The following LRP1B variants were observed in gnomAD, a reference collection of about 807,000 sequenced individuals.
The protein encoded by LRP1B is low-density lipoprotein receptor-related protein 1B.
Under a neutral mutation model 556.6 loss-of-function variants are expected in LRP1B, and 217 were observed. The observed-to-expected ratio is 0.39, with a 90% CI of 0.35 to 0.44. LRP1B has a LOEUF of 0.44. Among genes scored for constraint, LRP1B ranks in the 20% least tolerant of loss-of-function variants. The probability of loss-of-function intolerance (pLI) is 1.00; values close to 1 mark genes in which losing one functional copy is unlikely to be tolerated. For missense variants in LRP1B, 5,053 were observed against 5,620.8 expected (o/e 0.90, Z 3.23); for synonymous variants, 2,047 against 1,865.8 (o/e 1.10, Z -2.50).
chr2:140,427,374 G>A (rs559117474), intron 66 of LRP1B, among the ~76,000 whole-genome samples: 1 of 151,852 alleles, frequency 6.6e-6, no homozygotes, highest in African/African-American at 2.4e-5. Context: ...CTTTAAACTT[G>A]CCTCCTTCAC....
chr2:141,387,281 G>C (rs1339954322), intron 3 of LRP1B, among the ~76,000 whole-genome samples: 1 of 151,740 alleles, frequency 6.6e-6, no homozygotes, highest in African/African-American at 2.4e-5. Context: ...TATGAAAAAA[G>C]TGCACACTAA....
chr2:140,273,466 A>T (rs938249729), intron 85 of LRP1B, among the ~76,000 whole-genome samples: 1 of 152,040 alleles, frequency 6.6e-6, no homozygotes, highest in Admixed American at 6.6e-5. Context: ...GTCATTCATA[A>T]TGATAATACA....
intron 3 of LRP1B, among the ~76,000 whole-genome samples, chr2:141,261,489 T>C (rs1020444125): frequency 6.6e-6 from 1 of 152,166 alleles, no homozygotes; most frequent in African/African-American, 2.4e-5. Context: ...TACCCCAAAA[T>C]ACCCCCTTTG....
intron 2 of LRP1B, among the ~76,000 whole-genome samples, chr2:141,494,153 C>T (rs16846272): frequency 0.061 from 9,278 of 152,216 alleles, 352 homozygotes; most frequent in South Asian, 0.18. Flanking sequence ...CTGGTTAGCT[C>T]AGCAGGTTGA....
In LRP1B at chr2:141,049,062, G is replaced by A. The variant is rs748372876; in HGVS notation, c.1713C>T (p.Tyr571=). The change falls in exon 11 of 91, where the codon TAC becomes TAT. Residue 571 remains tyrosine, a synonymous_variant. Coordinates refer to ENST00000389484, the MANE Select transcript of LRP1B (RefSeq NM_018557.3). ...TTAGGAAACTGGTGGTGTCAGCAAAGTAGATGTAATTGGTTTCTGCGTGAA... is the reference window on the plus strand; with the variant it reads ...TTAGGAAACTGGTGGTGTCAGCAAAATAGATGTAATTGGTTTCTGCGTGAA... The part of the protein sequence containing the change: ...LDFHAETNYI[Y]FADTTSFLIG... 47 of 1,613,478 alleles carry A rather than the reference G, an allele frequency of 2.9e-5. No individual in the cohort carries two copies. In the Admixed American group the frequency reaches 7.5e-4, roughly 26 times the overall value.
intron 77 of LRP1B, among the ~76,000 whole-genome samples, chr2:140,345,878 A>ATATATATAT (rs200833593): frequency 1.6e-4 from 22 of 140,346 alleles, no homozygotes; most frequent in African/African-American, 5.6e-4. Flanking sequence ...ATATATATAT[A>ATATATATAT]AAAAAAATAG....
At chr2:140,802,252 T>C (rs1009477824) in intron 32 of LRP1B, among the ~76,000 whole-genome samples, 4 of 152,158 alleles carry the variant, frequency 2.6e-5, no homozygotes, top group Admixed American at 2.6e-4. Flanking sequence ...GGACTATTAC[T>C]GACATTTAGT....
chr2:141,553,347 A>G (rs938844651), intron 2 of LRP1B, among the ~76,000 whole-genome samples: 1 of 151,938 alleles, frequency 6.6e-6, no homozygotes, highest in African/African-American at 2.4e-5. Flanking sequence ...GTATTAAAAT[A>G]TCAGTATCAA....
chr2:140,765,872 G>C (rs1689085559), intron 35 of LRP1B, among the ~76,000 whole-genome samples: 1 of 152,026 alleles, frequency 6.6e-6, no homozygotes, highest in South Asian at 2.1e-4. Context: ...CATCTCCTTA[G>C]CATGACTGGG....
chr2:141,355,943 C>T (rs1688612284), intron 3 of LRP1B, among the ~76,000 whole-genome samples: 1 of 152,068 alleles, frequency 6.6e-6, no homozygotes, highest in East Asian at 1.9e-4. Context: ...CACTTTTTCT[C>T]TGTCCAGGAA....
chr2:140,605,873 C>A (rs1395307401), intron 41 of LRP1B, among the ~76,000 whole-genome samples: 1 of 151,918 alleles, frequency 6.6e-6, no homozygotes, highest in African/African-American at 2.4e-5. Context: ...AAAGGAATAC[C>A]AAAACCCGAG....
intron 7 of LRP1B, among the ~76,000 whole-genome samples, chr2:141,155,221 T>C (rs1702035233): frequency 6.6e-6 from 1 of 151,914 alleles, no homozygotes; most frequent in African/African-American, 2.4e-5. Flanking sequence ...TTAATAACCT[T>C]CTTTGGAAAA....
At chr2:141,736,433 G>A (rs1401936068) in intron 2 of LRP1B, among the ~76,000 whole-genome samples, 1 of 152,178 alleles carries the variant, frequency 6.6e-6, no homozygotes. Context: ...GCCCTTATAA[G>A]AAGAGAGAAA....
intron 3 of LRP1B, among the ~76,000 whole-genome samples, chr2:141,389,759 T>A (rs1012035168): frequency 6.6e-6 from 1 of 152,164 alleles, no homozygotes; most frequent in South Asian, 2.1e-4. Context: ...GTATACAAAA[T>A]ATATATAATA....
intron 3 of LRP1B, among the ~76,000 whole-genome samples, chr2:141,463,553 ATATAATATATATTATATAT>A (rs1280907519): frequency 9.7e-4 from 18 of 18,462 alleles, no homozygotes; most frequent in African/African-American, 2.5e-3. Flanking sequence ...ATATAATTAT[ATATAATATATATTATATAT>A]TATATATAAT....
Position 141,208,730 on chromosome 2 carries a change from G to T in LRP1B, c.851-20147C>A, listed in dbSNP as rs750099064. Among the ~76,000 whole-genome samples, 5 of 151,602 alleles carry T rather than the reference G, an allele frequency of 3.3e-5. No individual in the cohort carries two copies. The East Asian group carries it at 9.8e-4, about 30-fold the overall frequency. On this transcript the variant is annotated intron_variant, in intron 6 of 90. Coordinates refer to ENST00000389484, the MANE Select transcript of LRP1B (RefSeq NM_018557.3). The stretch of plus-strand genomic sequence containing the variant: ...AAAAAATACAAAAAATTAGCTGGGC[G>T]TAGTGGCAGGCGCCTGTAGTCCCAG...
intron 15 of LRP1B, among the ~76,000 whole-genome samples, chr2:140,996,559 C>T (rs1243707877): frequency 6.6e-6 from 1 of 152,042 alleles, no homozygotes; most frequent in East Asian, 1.9e-4. Context: ...AGGAACAATA[C>T]CTAGAACAGA....
At chr2:141,265,381 C>A (rs896387884) in intron 3 of LRP1B, among the ~76,000 whole-genome samples, 1 of 152,108 alleles carries the variant, frequency 6.6e-6, no homozygotes, top group African/African-American at 2.4e-5. Flanking sequence ...GCGCGACCCC[C>A]TTCAACTGCT....
At chr2:140,521,284 T>A (rs953382054) in intron 49 of LRP1B, among the ~76,000 whole-genome samples, 2 of 152,052 alleles carry the variant, frequency 1.3e-5, no homozygotes, top group South Asian at 4.1e-4. Context: ...TAAAAGAAGT[T>A]TGAAAGCAGC....
Sources: allele counts gnomAD v4.1 joint callset (sites outside exome capture counted in the v4.1 genomes callset), GRCh38; gene constraint gnomAD v4.1.1; transcripts MANE v1.5; gene names NCBI Gene and HGNC (gene_info 2026-07-23, HGNC 2026-07-21).